Variants in CAMK4 observed in about 807,000 individuals in gnomAD.
The protein encoded by CAMK4 is calcium/calmodulin-dependent protein kinase type IV.
In CAMK4, 22 loss-of-function variants were observed where a neutral mutation model predicts 44.9. The ratio of observed to expected loss-of-function variants is 0.49; its 90% confidence interval spans 0.35 to 0.70. The LOEUF is 0.70. Ranked by LOEUF, CAMK4 falls within the 30% of genes least tolerant of loss-of-function variation. The pLI is 0.01. For missense variants in CAMK4, 498 were observed against 586.8 expected, an observed-to-expected ratio of 0.85 and a Z score of 1.56; for synonymous variants, 218 against 215.4, an observed-to-expected ratio of 1.01 and a Z score of -0.11.
In CAMK4 at chr5:111,282,092, A is replaced by G. The variant is rs1054820484; in HGVS notation, c.161+57448A>G. 8.5e-5 allele frequency among the ~76,000 whole-genome samples: 13 copies of G among 152,054 alleles called. 1 individual carries two copies. The highest frequency in any genetic ancestry group is 7.7e-4 in the East Asian group (4 of 5,170). On this transcript the variant is annotated intron_variant, in intron 1 of 10. Coordinates refer to ENST00000282356, the MANE Select transcript of CAMK4 (RefSeq NM_001744.6). Reference sequence around the variant, plus strand: ...AAAAGAAATTTTCTGGAATTAGGGCAATGACTTCCTAATTTATTGCATTTT... The same window carrying G: ...AAAAGAAATTTTCTGGAATTAGGGCGATGACTTCCTAATTTATTGCATTTT...
intron 1 of CAMK4, among the ~76,000 whole-genome samples, chr5:111,324,537 G>A (rs1343132648): frequency 6.6e-6 from 1 of 151,958 alleles, no homozygotes; most frequent in Non-Finnish European, 1.5e-5. Context: ...AATTCTAAAT[G>A]TATATGCAGC....
intron 1 of CAMK4, among the ~76,000 whole-genome samples, chr5:111,266,589 T>C (rs984625224): frequency 3.3e-5 from 5 of 152,204 alleles, no homozygotes; most frequent in Non-Finnish European, 7.3e-5. Flanking sequence ...TAGTTGGCCA[T>C]TTTTCTCTGT....
intron 1 of CAMK4, among the ~76,000 whole-genome samples, chr5:111,284,994 C>T (rs1751182802): frequency 6.6e-6 from 1 of 152,198 alleles, no homozygotes; most frequent in African/African-American, 2.4e-5. Context: ...TGCTACACAT[C>T]CTGGAAATAC....
chr5:111,443,298 A>ATG (rs1753904475), intron 5 of CAMK4, among the ~76,000 whole-genome samples: 1 of 137,328 alleles, frequency 7.3e-6, no homozygotes. Flanking sequence ...ACACACACAC[A>ATG]CACACACACA....
chr5:111,333,355 A>T (rs561398456), intron 1 of CAMK4, among the ~76,000 whole-genome samples: 1 of 151,660 alleles, frequency 6.6e-6, no homozygotes, highest in African/African-American at 2.4e-5. Flanking sequence ...TTTTCGCAAG[A>T]TGTTTGATTA....
At position 111,290,023 on chromosome 5, in the gene CAMK4, C is replaced by T. The variant is rs144366914; in HGVS notation, c.162-54001C>T. ...TGTAAAGCTGTGGGGACAGGAAATA[C>T]AAATTACACACATGGAAGATGGTAA... On this transcript the variant is annotated intron_variant, in intron 1 of 10. Coordinates refer to ENST00000282356, the MANE Select transcript of CAMK4 (RefSeq NM_001744.6). This position sits in a 1 kb window ranked among gnomAD's most constrained non-coding sequence, Gnocchi z 4.5. 6.6e-6 allele frequency among the ~76,000 whole-genome samples: 1 copy of T among 152,310 alleles called. No individual in the cohort carries two copies. The highest frequency in any genetic ancestry group is 1.9e-4 in the East Asian group (1 of 5,180).
chr5:111,296,208 G>A (rs995858881), intron 1 of CAMK4, among the ~76,000 whole-genome samples: 1 of 152,182 alleles, frequency 6.6e-6, no homozygotes, highest in Admixed American at 6.5e-5. Context: ...GTTGGAGAAA[G>A]AAGCATCTGG....
intron 3 of CAMK4, 127 bp downstream of exon 3, chr5:111,375,039 TCTTGTCCTCATCTCATCAC>T (rs1305181253): frequency 3.0e-6 from 2 of 659,274 alleles, no homozygotes; most frequent in Middle Eastern, 2.5e-4. Flanking sequence ...ATGTGCTAGC[TCTTGTCCTCATCTCATCAC>T]CTTTTCAATC....
At chr5:111,237,310 A>C (rs958872896) in intron 1 of CAMK4, among the ~76,000 whole-genome samples, 2 of 152,216 alleles carry the variant, frequency 1.3e-5, no homozygotes, top group African/African-American at 4.8e-5. Flanking sequence ...TGAGGAGATT[A>C]TCTACCTCTA....
At chr5:111,320,539 G>A (rs891419474) in intron 1 of CAMK4, among the ~76,000 whole-genome samples, 14 of 152,022 alleles carry the variant, frequency 9.2e-5, no homozygotes, top group African/African-American at 2.7e-4. Context: ...ATGGAGTTTC[G>A]CTCGTTGCCC....
At chr5:111,343,608 T>G (rs1442200776) in intron 1 of CAMK4, among the ~76,000 whole-genome samples, 2 of 151,660 alleles carry the variant, frequency 1.3e-5, no homozygotes, top group East Asian at 3.9e-4. Context: ...CTATATAGAG[T>G]GCTTAACCTA....
Position 111,376,080 on chromosome 5 carries a change from C to G in CAMK4, c.304-780C>G, listed in dbSNP as rs1751201971. Among the ~76,000 whole-genome samples the G allele has an allele frequency of 1.3e-5, 2 of 151,948 alleles. 1 individual carries two copies. Among genetic ancestry groups the G allele is most frequent in the South Asian group, 4.2e-4 (2 of 4,814 alleles). The stretch of plus-strand genomic sequence containing the variant: ...TTTGGGGCTAGATACCATCTCTGAA[C>G]AAATCAGAGTTCTGTTTATATTAAA... On this transcript the variant is annotated intron_variant, in intron 3 of 10. Transcript: ENST00000282356.
Position 111,489,584 on chromosome 5 carries a change from G to A in CAMK4, c.*5118G>A, listed in dbSNP as rs1755745966. The A allele has an allele frequency of 6.6e-6, 1 of 152,126 alleles. No individual in the cohort carries two copies. Among genetic ancestry groups the A allele is most frequent in the South Asian group, 2.1e-4 (1 of 4,824 alleles). The allele number at this position is 152,126 out of a possible 1,614,324, so 9.4% of individuals were successfully genotyped here. A position where few individuals can be genotyped will look rare whatever the true frequency, so the allele number is the denominator to read the frequency against. ...AACTCAGTCTGTTCCCTGTTGTCTG[G>A]TTCAGAGGTCCACCAGGGCAAAATA... On this transcript the variant is annotated 3_prime_UTR_variant, in exon 11 of 11. Transcript: ENST00000282356.
In CAMK4 at chr5:111,359,244, C is replaced by CGCTTCTGCTCTTTAGTTT. The variant is rs377397848; in HGVS notation, c.240+15142_240+15143insGCTTCTGCTCTTTAGTTT. Among the ~76,000 whole-genome samples the CGCTTCTGCTCTTTAGTTT allele has an allele frequency of 2.8e-4, 10 of 35,552 alleles. 2 individuals are homozygous for CGCTTCTGCTCTTTAGTTT. Among genetic ancestry groups the CGCTTCTGCTCTTTAGTTT allele is most frequent in the African/African-American group, 3.2e-4 (5 of 15,598 alleles). The allele number at this position is 35,552 out of a possible 152,430, so 23.3% of individuals were successfully genotyped here. On this transcript the variant is annotated intron_variant, in intron 2 of 10. Transcript: ENST00000282356. ...TTACCAGCATCTGTGATTTTTTTGA[C>CGCTTCTGCTCTTTAGTTT]TAATAGTAACCATTGTGACTGGTGT...
intron 3 of CAMK4, 93 bp downstream of exon 3, chr5:111,375,005 A>T (rs1204864971): frequency 4.6e-6 from 3 of 658,874 alleles, no homozygotes; most frequent in South Asian, 1.8e-5. Context: ...ATGAGAAGGG[A>T]TTCTCCCACC....
chr5:111,417,999 GT>G (rs1233750891), intron 5 of CAMK4, among the ~76,000 whole-genome samples: 20 of 147,596 alleles, frequency 1.4e-4, no homozygotes, highest in South Asian at 1.1e-3. Flanking sequence ...TATTTTGGAG[GT>G]TTTTTTTTTA....
intron 5 of CAMK4, among the ~76,000 whole-genome samples, chr5:111,426,710 C>T (rs6865298): frequency 0.12 from 18,658 of 152,174 alleles, 1,246 homozygotes; most frequent in African/African-American, 0.14. Flanking sequence ...GAGAACACAG[C>T]AATTGTGAGG....
intron 7 of CAMK4, among the ~76,000 whole-genome samples, chr5:111,453,190 G>A (rs1289704194): frequency 6.6e-6 from 1 of 152,128 alleles, no homozygotes; most frequent in Non-Finnish European, 1.5e-5. Context: ...AGGATTTTAA[G>A]GATACACCTG....
intron 6 of CAMK4, among the ~76,000 whole-genome samples, chr5:111,448,096 C>T (rs1276349813): frequency 2.0e-5 from 3 of 152,196 alleles, no homozygotes; most frequent in African/African-American, 7.2e-5. Flanking sequence ...TCTGCACCTG[C>T]CTCTCTTGAA....
Sources: gnomAD v4.1 joint callset for allele counts (sites outside exome capture counted in the v4.1 genomes callset) on GRCh38, gnomAD v4.1.1 for gene constraint, Gnocchi (gnomAD v3.1) non-coding constraint, MANE v1.5 for transcripts, NCBI Gene and HGNC (gene_info 2026-07-23, HGNC 2026-07-21) for gene names.